Variants in GRIA4 observed in about 807,000 individuals in gnomAD.
GRIA4 encodes the protein glutamate receptor 4.
In GRIA4, 34 loss-of-function variants were observed where a neutral mutation model predicts 104.0. That is an observed-to-expected ratio of 0.33 (90% confidence interval 0.25 to 0.44). GRIA4 has a LOEUF of 0.44. Among genes scored for constraint, GRIA4 ranks in the 20% least tolerant of loss-of-function variants. GRIA4 has a pLI of 1.00. For synonymous variants in GRIA4, 386 were observed against 381.9 expected, an observed-to-expected ratio of 1.01 and a Z score of -0.13; for missense variants, 750 against 1,096.5, an observed-to-expected ratio of 0.68 and a Z score of 4.46.
In GRIA4 at chr11:105,611,955, TAGAG is replaced by T. The variant is rs1270244780; in HGVS notation, c.89-316_89-313del. On this transcript the variant is annotated intron_variant, in intron 2 of 16. Transcript: ENST00000282499. Reference sequence around the variant, plus strand: ...CTTTTCCGCTCATCTGCATGCATCTTAGAGAGAGCTGCCCTGAGGTGGCTGATGT... The same window carrying T: ...CTTTTCCGCTCATCTGCATGCATCTTAGAGCTGCCCTGAGGTGGCTGATGT... Among the ~76,000 whole-genome samples, 4 of 152,250 alleles carry T rather than the reference TAGAG, an allele frequency of 2.6e-5. No homozygotes were observed. The East Asian group carries it at 7.7e-4, about 29-fold the overall frequency.
At chr11:105,625,881 A>C (rs1185954150) in intron 3 of GRIA4, among the ~76,000 whole-genome samples, 1 of 152,114 alleles carries the variant, frequency 6.6e-6, no homozygotes, top group East Asian at 1.9e-4. Flanking sequence ...AATATTTCTT[A>C]TGTTCACTCT....
At chr11:105,893,774 T>C (rs117587050) in intron 6 of GRIA4, among the ~76,000 whole-genome samples, 2,154 of 152,300 alleles carry the variant, frequency 0.014, 30 homozygotes, top group Non-Finnish European at 0.018. Context: ...TAGCAACTAA[T>C]GCAATAGTTG....
At chr11:105,617,857 G>A (rs114905853) in intron 3 of GRIA4, among the ~76,000 whole-genome samples, 4 of 152,050 alleles carry the variant, frequency 2.6e-5, no homozygotes, top group East Asian at 3.9e-4. Flanking sequence ...CAGTGATTAC[G>A]GTAATGATTA....
chr11:105,622,195 C>T (rs1591452371), intron 3 of GRIA4, among the ~76,000 whole-genome samples: 1 of 151,702 alleles, frequency 6.6e-6, no homozygotes, highest in East Asian at 1.9e-4. Context: ...TTTATGGCTT[C>T]AGGGTGTTGT....
intron 5 of GRIA4, among the ~76,000 whole-genome samples, chr11:105,879,190 C>T (rs1312250472): frequency 1.3e-5 from 2 of 152,172 alleles, no homozygotes; most frequent in Admixed American, 6.5e-5. Flanking sequence ...GACACCCCAC[C>T]CTGCTTCTGC....
At position 105,924,690 on chromosome 11, in the gene GRIA4, C is replaced by T; in HGVS notation, c.1768C>T (p.Pro590Ser). The change falls in exon 12 of 17, where the codon CCC becomes TCC. Residue 590 changes from proline (P) to serine (S), a missense_variant. Physicochemically the swap from Pro to Ser is moderately conservative, Grantham distance 74. Coordinates refer to ENST00000282499, the MANE Select transcript of GRIA4 (RefSeq NM_000829.4). ...DGKEGPSDQP[P>S]NEFGIFNSLW... ...AAAGGAAGGACCCAGCGACCAGCCT[C>T]CCAATGAGTTTGGCATCTTTAACAG... The T allele has an allele frequency of 6.2e-7, 1 of 1,612,774 alleles. No individual in the cohort carries two copies. The highest frequency in any genetic ancestry group is 8.5e-7 in the Non-Finnish European group (1 of 1,179,144).
chr11:105,967,025 T>G (rs901060795), intron 14 of GRIA4, among the ~76,000 whole-genome samples: 1 of 152,160 alleles, frequency 6.6e-6, no homozygotes, highest in Non-Finnish European at 1.5e-5. Context: ...TTCATAAACA[T>G]ATAAATATAT....
At chr11:105,945,877 G>A (rs1948294746) in intron 14 of GRIA4, among the ~76,000 whole-genome samples, 1 of 151,888 alleles carries the variant, frequency 6.6e-6, no homozygotes. Context: ...AAACAATAGT[G>A]CTCACAAAAA....
chr11:105,725,464 C>T (rs1040100304), intron 3 of GRIA4, among the ~76,000 whole-genome samples: 1 of 152,202 alleles, frequency 6.6e-6, no homozygotes, highest in African/African-American at 2.4e-5. Context: ...GGAGCTAATA[C>T]CTGATTATAG....
At chr11:105,813,048 C>G (rs988931351) in intron 4 of GRIA4, among the ~76,000 whole-genome samples, 25 of 133,992 alleles carry the variant, frequency 1.9e-4, no homozygotes, top group Middle Eastern at 4.6e-3. Context: ...GAGCCAAGAT[C>G]GTGCCACTGC....
At chr11:105,741,714 A>T (rs1939320716) in intron 3 of GRIA4, among the ~76,000 whole-genome samples, 1 of 152,138 alleles carries the variant, frequency 6.6e-6, no homozygotes, top group African/African-American at 2.4e-5. Context: ...CCCAATTCAC[A>T]TTTTGAGGTC....
rs1212992476 is a variant in GRIA4, at chr11:105,979,991, G to T, written c.*252G>T. The T allele has an allele frequency of 1.9e-5, 7 of 373,816 alleles. No homozygotes were observed. Among genetic ancestry groups the T allele is most frequent in the Non-Finnish European group, 3.5e-5 (7 of 200,920 alleles). 23.2% of individuals were successfully genotyped at this position (373,816 alleles called of 1,614,324 possible). On this transcript the variant is annotated 3_prime_UTR_variant, in exon 17 of 17. Transcript: ENST00000282499. ...TTTTTCGGGGAGTGGGTGGGGGAGG[G>T]ATCTGGGATGGGTGTATTAACAGCA...
rs1471768945 is a variant in GRIA4, at chr11:105,979,755, T to C, written c.*16T>C. ...CCTACCATAAAAACCAAAAAAATAATTGAGTGCCTTAATTAAACTGTTGGT... is the reference window on the plus strand; with the variant it reads ...CCTACCATAAAAACCAAAAAAATAACTGAGTGCCTTAATTAAACTGTTGGT... On this transcript the variant is annotated 3_prime_UTR_variant, in exon 17 of 17. Transcript: ENST00000282499. 1.9e-6 allele frequency: 3 copies of C among 1,599,698 alleles called. No homozygotes were observed. Among genetic ancestry groups the C allele is most frequent in the Non-Finnish European group, 1.7e-6 (2 of 1,167,722 alleles).
At chr11:105,803,642 A>T (rs1422551767) in intron 4 of GRIA4, among the ~76,000 whole-genome samples, 1 of 151,922 alleles carries the variant, frequency 6.6e-6, no homozygotes, top group Non-Finnish European at 1.5e-5. Context: ...CAATAAATTG[A>T]TGTGCTATTT....
chr11:105,819,642 G>A (rs542649487), intron 4 of GRIA4, among the ~76,000 whole-genome samples: 6 of 152,034 alleles, frequency 3.9e-5, no homozygotes. Flanking sequence ...TCCTGGGTAG[G>A]GGGTAAGGGT....
intron 4 of GRIA4, among the ~76,000 whole-genome samples, chr11:105,812,476 C>T (rs1233230885): frequency 6.6e-6 from 1 of 152,156 alleles, no homozygotes; most frequent in Non-Finnish European, 1.5e-5. Flanking sequence ...TTACCTACTA[C>T]CATCTTTGTC....
chr11:105,679,192 G>T (rs2135460321), intron 3 of GRIA4, among the ~76,000 whole-genome samples: 1 of 152,240 alleles, frequency 6.6e-6, no homozygotes, highest in South Asian at 2.1e-4. Flanking sequence ...CTTGCTTGAG[G>T]ATATCAGTCT....
chr11:105,888,554 G>A (rs1946358648), intron 6 of GRIA4, among the ~76,000 whole-genome samples: 1 of 151,824 alleles, frequency 6.6e-6, no homozygotes, highest in Non-Finnish European at 1.5e-5. Flanking sequence ...CCAAAGTGCT[G>A]GGATTACAGG....
intron 4 of GRIA4, among the ~76,000 whole-genome samples, chr11:105,766,317 T>G (rs911307636): frequency 1.5e-4 from 23 of 152,072 alleles, no homozygotes; most frequent in Non-Finnish European, 2.6e-4. Flanking sequence ...GAAAAGAAAA[T>G]TATTCCCCAA....
Sources: allele counts gnomAD v4.1 joint callset (sites outside exome capture counted in the v4.1 genomes callset), GRCh38; gene constraint gnomAD v4.1.1; transcripts MANE v1.5; gene names NCBI Gene and HGNC (gene_info 2026-07-23, HGNC 2026-07-21).